SKAP1: variants seen among roughly 807,000 people sequenced by gnomAD.
SKAP1 encodes the protein src kinase-associated phosphoprotein 1.
Under a neutral mutation model 58.5 loss-of-function variants are expected in SKAP1, and 44 were observed. That is an observed-to-expected ratio of 0.75 (90% CI 0.59 to 0.97). The LOEUF (loss-of-function observed/expected upper bound fraction) is 0.97, where lower values mean the gene tolerates loss of function less well. SKAP1 is among the 50% of genes least tolerant of loss of function. SKAP1 has a pLI of 0.00. For missense variants in SKAP1, 390 were observed against 435.2 expected (o/e 0.90, Z 0.92); for synonymous variants, 127 against 149.7 (o/e 0.85, Z 1.11).
chr17:48,384,146 C>T (rs543202500), intron 2 of SKAP1, among the ~76,000 whole-genome samples: 8 of 152,132 alleles, frequency 5.3e-5, no homozygotes, highest in East Asian at 1.9e-4. Context: ...TGCTTGAGTA[C>T]GACTTTATGA....
chr17:48,305,258 C>G (rs1246530458), intron 4 of SKAP1, among the ~76,000 whole-genome samples: 1 of 152,114 alleles, frequency 6.6e-6, no homozygotes, highest in East Asian at 1.9e-4. Context: ...AATCATGGCT[C>G]ACTGCAGCCT....
intron 4 of SKAP1, among the ~76,000 whole-genome samples, chr17:48,217,957 G>A (rs2064960381): frequency 6.6e-6 from 1 of 152,170 alleles, no homozygotes; most frequent in African/African-American, 2.4e-5. Context: ...GTTAGTGAAA[G>A]CTTTGTGTAT....
intron 4 of SKAP1, among the ~76,000 whole-genome samples, chr17:48,269,820 G>A (rs2065603642): frequency 1.3e-5 from 2 of 152,166 alleles, no homozygotes; most frequent in Non-Finnish European, 2.9e-5. Context: ...GAGGCCGGGT[G>A]CGGTGGCTCA....
intron 4 of SKAP1, among the ~76,000 whole-genome samples, chr17:48,210,953 C>T (rs914376772): frequency 1.9e-4 from 29 of 152,112 alleles, no homozygotes; most frequent in African/African-American, 6.5e-4. Flanking sequence ...ACGGAAAGCC[C>T]CAAATAATAG....
At chr17:48,348,925 A>G (rs536565193) in intron 3 of SKAP1, among the ~76,000 whole-genome samples, 1 of 152,364 alleles carries the variant, frequency 6.6e-6, no homozygotes, top group South Asian at 2.1e-4. Context: ...AACAGAGCCT[A>G]GGTCAGTAGT....
At chr17:48,138,431 G>A (rs1265977495) in intron 11 of SKAP1, among the ~76,000 whole-genome samples, 14 of 148,720 alleles carry the variant, frequency 9.4e-5, no homozygotes, top group African/African-American at 2.2e-4. Context: ...GTGCAGTGGC[G>A]CAATCTCGGC....
intron 5 of SKAP1, 93 bp downstream of exon 5, chr17:48,189,330 G>A (rs763254291): frequency 1.4e-5 from 14 of 1,004,518 alleles, no homozygotes; most frequent in Middle Eastern, 2.1e-4. Flanking sequence ...CACAGTACCG[G>A]GCACAGAGAA....
intron 4 of SKAP1, among the ~76,000 whole-genome samples, chr17:48,331,094 T>C (rs558573664): frequency 1.3e-5 from 2 of 152,286 alleles, no homozygotes; most frequent in African/African-American, 4.8e-5. Flanking sequence ...GTGAAGAACA[T>C]GTCACCTCCG....
At chr17:48,398,519 G>C (rs571919550) in intron 1 of SKAP1, among the ~76,000 whole-genome samples, 4 of 151,708 alleles carry the variant, frequency 2.6e-5, no homozygotes, top group African/African-American at 4.8e-5. Context: ...TTTAATCATC[G>C]CCAAACCATC....
At chr17:48,140,448 CT>C (rs2063754645) in intron 11 of SKAP1, among the ~76,000 whole-genome samples, 1 of 152,132 alleles carries the variant, frequency 6.6e-6, no homozygotes, top group South Asian at 2.1e-4. Context: ...GCCTTCTCTT[CT>C]GTCTTGATGC....
At chr17:48,381,698 G>C (rs373313484) in intron 2 of SKAP1, among the ~76,000 whole-genome samples, 3 of 152,124 alleles carry the variant, frequency 2.0e-5, no homozygotes, top group Non-Finnish European at 2.9e-5. Context: ...GGGAATATTT[G>C]TTGGCTATCC....
intron 4 of SKAP1, among the ~76,000 whole-genome samples, chr17:48,315,613 T>C: frequency 6.6e-6 from 1 of 152,340 alleles, no homozygotes; most frequent in Non-Finnish European, 1.5e-5. Flanking sequence ...TATATGATAC[T>C]AATAATTCAT....
intron 4 of SKAP1, among the ~76,000 whole-genome samples, chr17:48,250,803 GTGGAT>G (rs989912024): frequency 1.7e-4 from 26 of 152,118 alleles, no homozygotes; most frequent in Non-Finnish European, 3.4e-4. Context: ...GGAGTAAAAA[GTGGAT>G]TAAGAAATGT....
chr17:48,318,401 C>T (rs1192726366), intron 4 of SKAP1, among the ~76,000 whole-genome samples: 1 of 152,230 alleles, frequency 6.6e-6, no homozygotes, highest in Non-Finnish European at 1.5e-5. Flanking sequence ...AGAGGTCCCA[C>T]TTATAATTAC....
chr17:48,293,870 T>C (rs2065929446), intron 4 of SKAP1, among the ~76,000 whole-genome samples: 1 of 152,222 alleles, frequency 6.6e-6, no homozygotes, highest in Non-Finnish European at 1.5e-5. Context: ...TCTCTATGAT[T>C]GTTCCTTTAA....
chr17:48,256,286 A>T (rs2065423000), intron 4 of SKAP1, among the ~76,000 whole-genome samples: 1 of 152,098 alleles, frequency 6.6e-6, no homozygotes, highest in African/African-American at 2.4e-5. Flanking sequence ...TGTAAACTTT[A>T]TTAATGGTCT....
intron 4 of SKAP1, among the ~76,000 whole-genome samples, chr17:48,331,556 G>A (rs1598579451): frequency 6.6e-6 from 1 of 152,134 alleles, no homozygotes; most frequent in East Asian, 1.9e-4. Context: ...AAAATTAGCC[G>A]GGCGTGGTGG....
chr17:48,424,612 C>T (rs1242580036), intron 1 of SKAP1, among the ~76,000 whole-genome samples: 1 of 151,838 alleles, frequency 6.6e-6, no homozygotes, highest in Non-Finnish European at 1.5e-5. Context: ...AAATCACAAA[C>T]ATCCAGAGCA....
chr17:48,399,602 G>T (rs1469362915), intron 1 of SKAP1, among the ~76,000 whole-genome samples: 1 of 151,880 alleles, frequency 6.6e-6, no homozygotes, highest in East Asian at 1.9e-4. Flanking sequence ...CTCTACAAAA[G>T]ATAATTTTTA....
Sources: gnomAD v4.1 joint callset for allele counts (sites outside exome capture counted in the v4.1 genomes callset) on GRCh38, gnomAD v4.1.1 for gene constraint, MANE v1.5 for transcripts, NCBI Gene and HGNC (gene_info 2026-07-23, HGNC 2026-07-21) for gene names.